EPRS1: variants seen among roughly 807,000 people sequenced by gnomAD.
EPRS1 encodes the protein glutamyl-prolyl-tRNA synthetase 1.
In EPRS1, 107 loss-of-function variants were observed where a neutral mutation model predicts 188.3. The observed-to-expected ratio is 0.57, with a 90% confidence interval of 0.49 to 0.67. EPRS1 has a LOEUF of 0.67. EPRS1 is among the 30% of genes least tolerant of loss of function. The probability of loss-of-function intolerance (pLI) is 0.00; values close to 1 mark genes in which losing one functional copy is unlikely to be tolerated. For missense variants in EPRS1, 1,577 were observed against 1,802.2 expected (o/e 0.88, Z 2.26); for synonymous variants, 596 against 593.1 (o/e 1.00, Z -0.07).
At chr1:220,046,046 T>G (rs1662394955) in intron 1 of EPRS1, among the ~76,000 whole-genome samples, 1 of 152,220 alleles carries the variant, frequency 6.6e-6, no homozygotes, top group Non-Finnish European at 1.5e-5. Context: ...GTGAGTTGAC[T>G]GGGAGTTCAT....
At chr1:219,991,422 C>A (rs749306115) in intron 18 of EPRS1, among the ~76,000 whole-genome samples, 2 of 152,058 alleles carry the variant, frequency 1.3e-5, no homozygotes, top group Admixed American at 6.5e-5. Context: ...TATCTACACA[C>A]GTTGGTAATG....
In EPRS1 at chr1:219,987,199, C is replaced by T. The variant is rs1301504225; in HGVS notation, c.2981G>A (p.Gly994Glu). 3 of 1,614,104 alleles carry T rather than the reference C, an allele frequency of 1.9e-6. No individual in the cohort carries two copies. The East Asian group carries it at 6.7e-5, about 36-fold the overall frequency. The change falls in exon 20 of 32, where the codon GGA becomes GAA. Residue 994 changes from glycine (G) to glutamate (E), a missense_variant. Around this residue, in one of 3 missense-constraint regions of EPRS1, gnomAD observed 1,278 missense variants for 1,457.4 expected, o/e 0.88. Coordinates refer to ENST00000366923, the MANE Select transcript of EPRS1 (RefSeq NM_004446.3). ...GQRKDPSKNQ[G>E]GGLSSSGAGE... ...TGCTCCACTTGATGAGAGCCCACCT[C>T]CTTGGTTTTTAGAAGGGTCTTTCCT...
At position 220,019,028 on chromosome 1, in the gene EPRS1, T is replaced by G. The variant is rs1661802346; in HGVS notation, c.1401A>C (p.Thr467=). ...CAATAAACTGTTTCAGTCCTTCAAC[T>G]GTCATCCCTCTTCTCAGTACACCAC... The part of the protein sequence containing the change: ...TVRGVLRRGM[T]VEGLKQFIAA... The change falls in exon 11 of 32, where the codon ACA becomes ACC. Residue 467 remains threonine, a synonymous_variant. Transcript: ENST00000366923. The G allele has an allele frequency of 6.2e-7, 1 of 1,613,240 alleles. No homozygotes were observed. Among genetic ancestry groups the G allele is most frequent in the African/African-American group, 1.3e-5 (1 of 74,898 alleles).
rs1352699418 is a variant in EPRS1, at chr1:220,017,291, A to C, written c.1494+1158T>G. Among the ~76,000 whole-genome samples the C allele has an allele frequency of 2.0e-5, 3 of 152,236 alleles. No individual in the cohort carries two copies. In the East Asian group the frequency reaches 5.8e-4, roughly 29 times the overall value. On this transcript the variant is annotated intron_variant, in intron 12 of 31. Transcript: ENST00000366923. ...GTGCTTTCTCCAGGGAGACTATGAAAGTAGATAGAGAGAGGAATGTGTTGT... is the reference window on the plus strand; with the variant it reads ...GTGCTTTCTCCAGGGAGACTATGAACGTAGATAGAGAGAGGAATGTGTTGT...
chr1:220,041,555 GACA>G (rs1208870428), intron 1 of EPRS1, among the ~76,000 whole-genome samples: 1 of 151,918 alleles, frequency 6.6e-6, no homozygotes, highest in Non-Finnish European at 1.5e-5. Context: ...GATTAAGATA[GACA>G]GGCCAGGCGC....
chr1:220,014,210 C>G (rs1056753685), intron 12 of EPRS1, among the ~76,000 whole-genome samples: 16 of 152,054 alleles, frequency 1.1e-4, no homozygotes, highest in Non-Finnish European at 1.9e-4. Context: ...CACATGTAAT[C>G]CCAGCTACTC....
rs199596032 is a variant in EPRS1, at chr1:220,020,004, C to T, written c.1333G>A (p.Gly445Arg). ...TAAACATACCATCCATCTACTAGTC[C>T]TTCATTGACAAACCATGTGAGTTTT... ...KRKLTWFVNE[G>R]LVDGWDDPRF... The change falls in exon 10 of 32, where the codon GGA (glycine) becomes AGA (arginine). Residue 445 changes from glycine to arginine, a missense_variant. Transcript: ENST00000366923. 1 of 1,610,530 alleles carries T rather than the reference C, an allele frequency of 6.2e-7. No homozygotes were observed. Among genetic ancestry groups the T allele is most frequent in the Non-Finnish European group, 8.5e-7 (1 of 1,176,786 alleles).
rs1172269069 is a variant in EPRS1, at chr1:219,982,848, G to A, written c.3301-4C>T. ...CAGATCTTGTAACCCAAGCAACCTA[G>A]TAAGAAAAAATCATTTTTCATACTT... On this transcript the variant is annotated splice_region_variant and splice_polypyrimidine_tract_variant and intron_variant, in intron 22 of 31. Transcript: ENST00000366923. 1 of 1,613,274 alleles carries A rather than the reference G, an allele frequency of 6.2e-7. No homozygotes were observed. The highest frequency in any genetic ancestry group is 1.7e-5 in the Admixed American group (1 of 59,976).
chr1:219,973,390 G>C lies in EPRS1; in HGVS notation c.4092C>G (p.Pro1364=), dbSNP rs750085336. 2.5e-6 allele frequency: 4 copies of C among 1,610,046 alleles called. No homozygotes were observed. In the African/African-American group the frequency reaches 5.4e-5, roughly 22 times the overall value. ...CACGTGGCCCAACTTCAAGTCTAATGGGAACTCCCTATAAGATAAAAAAGG... is the reference window on the plus strand; with the variant it reads ...CACGTGGCCCAACTTCAAGTCTAATCGGAACTCCCTATAAGATAAAAAAGG... ...KFNHWELKGV[P]IRLEVGPRDM... Residue 1364 remains proline, a synonymous_variant, in exon 29 of 32, where the codon CCC becomes CCG. Transcript: ENST00000366923.
At position 219,977,847 on chromosome 1, in the gene EPRS1, G is replaced by C. The variant is rs144022637; in HGVS notation, c.4083+699C>G. On this transcript the variant is annotated intron_variant, in intron 28 of 31. Coordinates refer to ENST00000366923, the MANE Select transcript of EPRS1 (RefSeq NM_004446.3). ...ATTGCTGAGCTTCCATAGTTTGAAAGCATGCAGCTGCAATCTCAATACATT... is the reference window on the plus strand; with the variant it reads ...ATTGCTGAGCTTCCATAGTTTGAAACCATGCAGCTGCAATCTCAATACATT... Among the ~76,000 whole-genome samples, 98 of 152,222 alleles carry C rather than the reference G, an allele frequency of 6.4e-4. No homozygotes were observed. In the East Asian group the frequency reaches 0.017, roughly 27 times the overall value.
chr1:219,990,050 A>T (rs752154419), intron 18 of EPRS1, among the ~76,000 whole-genome samples: 4 of 152,044 alleles, frequency 2.6e-5, no homozygotes, highest in Non-Finnish European at 4.4e-5. Flanking sequence ...TGACTATTTG[A>T]AAGAAGCTCC....
intron 13 of EPRS1, 77 bp downstream of exon 13, chr1:220,010,869 G>T: frequency 1.2e-6 from 1 of 811,078 alleles, no homozygotes; most frequent in Non-Finnish European, 2.1e-6. Context: ...CCACTGCCAT[G>T]AAAGCACATT....
chr1:219,972,551 A>C (rs1660689519), intron 29 of EPRS1, among the ~76,000 whole-genome samples: 1 of 152,190 alleles, frequency 6.6e-6, no homozygotes, highest in East Asian at 1.9e-4. Flanking sequence ...CTTATATAAG[A>C]TGCAGGCATT....
At chr1:220,020,612 T>C (rs1311099330) in intron 9 of EPRS1, among the ~76,000 whole-genome samples, 2 of 151,212 alleles carry the variant, frequency 1.3e-5, no homozygotes, top group Admixed American at 6.6e-5. Context: ...TCTCACTCTG[T>C]TCTGAGTAAT....
chr1:220,014,850 A>G (rs1334946395), intron 12 of EPRS1, among the ~76,000 whole-genome samples: 1 of 152,202 alleles, frequency 6.6e-6, no homozygotes, highest in Non-Finnish European at 1.5e-5. Flanking sequence ...CATCTGAGAA[A>G]TATCTTTAAC....
In EPRS1 at chr1:219,972,056, C is replaced by A; in HGVS notation, c.4323+13G>T. On this transcript the variant is annotated intron_variant, in intron 30 of 31. Transcript: ENST00000366923. The stretch of plus-strand genomic sequence containing the variant: ...AATATTCTTATACTGAAAAGTTTTC[C>A]AAACTCTCTGACCTTTCCAGAATCT... 3 of 1,539,042 alleles carry A rather than the reference C, an allele frequency of 1.9e-6. No homozygotes were observed. Among genetic ancestry groups the A allele is most frequent in the South Asian group, 1.2e-5 (1 of 80,678 alleles).
chr1:219,993,986 TG>T (rs749292056), intron 18 of EPRS1, among the ~76,000 whole-genome samples: 18 of 152,228 alleles, frequency 1.2e-4, no homozygotes, highest in Non-Finnish European at 2.4e-4. Flanking sequence ...TCCTAGTAAC[TG>T]GGTTCGTTCT....
At chr1:220,014,860 C>A (rs1015176846) in intron 12 of EPRS1, among the ~76,000 whole-genome samples, 1 of 152,194 alleles carries the variant, frequency 6.6e-6, no homozygotes, top group South Asian at 2.1e-4. Flanking sequence ...ATATCTTTAA[C>A]GTGAAAGAAA....
At position 219,987,228 on chromosome 1, in the gene EPRS1, G is replaced by T. The variant is rs773026056; in HGVS notation, c.2952C>A (p.Gly984=). ...KQNKPQKQND[G]QRKDPSKNQG... ...GGTTTTTAGAAGGGTCTTTCCTTTG[G>T]CCATCATTTTGTTTCTGAGGCTTAT... The change falls in exon 20 of 32, where the codon GGC becomes GGA. Residue 984 remains glycine, a synonymous_variant. Transcript: ENST00000366923. 7 of 1,613,732 alleles carry T rather than the reference G, an allele frequency of 4.3e-6. No individual in the cohort carries two copies. The East Asian group carries it at 1.1e-4, about 26-fold the overall frequency.
Sources: gnomAD v4.1 joint callset for allele counts (sites outside exome capture counted in the v4.1 genomes callset) on GRCh38, gnomAD v4.1.1 for gene constraint, gnomAD v4.1.1 regional missense constraint, MANE v1.5 for transcripts, NCBI Gene and HGNC (gene_info 2026-07-23, HGNC 2026-07-21) for gene names.